The following GSDMC variants were observed in gnomAD, a reference collection of about 807,000 sequenced individuals.
The protein encoded by GSDMC is gasdermin C.
A neutral mutation model predicts 58.0 loss-of-function variants in GSDMC; 59 were observed. The ratio of observed to expected loss-of-function variants is 1.02; its 90% CI spans 0.82 to 1.26. The LOEUF (loss-of-function observed/expected upper bound fraction) is 1.26. GSDMC is among the 50% of genes most tolerant of loss of function. The pLI is 0.00. For missense variants in GSDMC, 659 were observed against 598.5 expected (o/e 1.10, Z -1.06); for synonymous variants, 241 against 220.2 (o/e 1.09, Z -0.83).
At chr8:129,750,265 G>C in intron 11 of GSDMC, 146 bp from the exon 12 acceptor site, 1 of 1,006,884 alleles carries the variant, frequency 9.9e-7, no homozygotes, top group Non-Finnish European at 1.4e-6. Context: ...CAGTAGTGGG[G>C]GCGACACTTC....
chr8:129,730,721 C>T, the GSDMC span, among the ~76,000 whole-genome samples: 3 of 152,200 alleles, frequency 2.0e-5, no homozygotes, highest in Admixed American at 6.5e-5. Flanking sequence ...ACACAGCAGT[C>T]TCCTACTTAA....
intron 1 of GSDMC, among the ~76,000 whole-genome samples, chr8:129,782,981 C>T (rs1271134663): frequency 6.6e-6 from 1 of 151,172 alleles, no homozygotes; most frequent in African/African-American, 2.4e-5. Context: ...AAACCAAATT[C>T]AACAATACAT....
At chr8:129,764,326 T>C (rs1312903442) in intron 4 of GSDMC, among the ~76,000 whole-genome samples, 3 of 152,198 alleles carry the variant, frequency 2.0e-5, no homozygotes, top group Non-Finnish European at 4.4e-5. Flanking sequence ...GTTGGGGTTT[T>C]TTTAGTTATT....
chr8:129,736,961 T>C, the GSDMC span, among the ~76,000 whole-genome samples: 30,045 of 152,210 alleles, frequency 0.2, 3,516 homozygotes, highest in Middle Eastern at 0.27. Flanking sequence ...ATCAAATCAA[T>C]GTGCAAAAAT....
At chr8:129,734,672 A>G in the GSDMC span, among the ~76,000 whole-genome samples, 2 of 151,988 alleles carry the variant, frequency 1.3e-5, no homozygotes, top group Non-Finnish European at 2.9e-5. Context: ...AGCACTAAAC[A>G]TGGAAAGGAA....
At chr8:129,723,239 T>G in the GSDMC span, among the ~76,000 whole-genome samples, 15,745 of 151,822 alleles carry the variant, frequency 0.1, 1,239 homozygotes, top group African/African-American at 0.21. Flanking sequence ...GCAGTTTTTT[T>G]GTTTCTGTTT....
At chr8:129,705,485 G>A in the GSDMC span, 3 of 152,624 alleles carry the variant, frequency 2.0e-5, no homozygotes. Context: ...GCATGGCTGG[G>A]GAGGCCTCAG....
chr8:129,754,430 C>A (rs528201634), intron 6 of GSDMC, among the ~76,000 whole-genome samples: 94 of 152,294 alleles, frequency 6.2e-4, no homozygotes, highest in African/African-American at 2.1e-3. Context: ...TCTGCAACAA[C>A]CACAGAGATA....
intron 6 of GSDMC, among the ~76,000 whole-genome samples, chr8:129,760,027 C>T (rs1014177103): frequency 1.1e-4 from 17 of 152,008 alleles, no homozygotes; most frequent in African/African-American, 3.9e-4. Flanking sequence ...ACTATTCACC[C>T]GTTAAAAAAA....
the GSDMC span, among the ~76,000 whole-genome samples, chr8:129,712,794 T>A: frequency 6.6e-6 from 1 of 152,194 alleles, no homozygotes; most frequent in Non-Finnish European, 1.5e-5. Context: ...TTAAGTTTCA[T>A]TTTACCCATC....
chr8:129,708,704 T>C, the GSDMC span, among the ~76,000 whole-genome samples: 1 of 152,264 alleles, frequency 6.6e-6, no homozygotes, highest in Admixed American at 6.5e-5. Context: ...GGCCCACTCC[T>C]GGACTTTATT....
intron 9 of GSDMC, 30 bp from the exon 10 acceptor site, chr8:129,751,598 T>C: frequency 6.2e-7 from 1 of 1,607,502 alleles, no homozygotes; most frequent in African/African-American, 1.3e-5. Flanking sequence ...ATCATCTCAC[T>C]TCCTCATCCC....
At position 129,755,234 on chromosome 8, in the gene GSDMC, TAGCATAC is replaced by T. The variant is rs574089826; in HGVS notation, c.722-2421_722-2415del. Among the ~76,000 whole-genome samples the T allele has an allele frequency of 2.7e-4, 41 of 151,972 alleles. 1 individual carries two copies. In the South Asian group the frequency reaches 8.5e-3, roughly 32 times the overall value. ...AAAGCAGCAAGGAAAAAGAAACAAA[TAGCATAC>T]AATGGAGTTGCAATATGTCTGGCAG... On this transcript the variant is annotated intron_variant, in intron 6 of 13. Coordinates refer to ENST00000276708, the MANE Select transcript of GSDMC (RefSeq NM_031415.3).
At chr8:129,726,803 C>T in the GSDMC span, among the ~76,000 whole-genome samples, 1 of 144,364 alleles carries the variant, frequency 6.9e-6, no homozygotes, top group Non-Finnish European at 1.5e-5. Flanking sequence ...GTCAGAGTCT[C>T]CATGACTTAA....
chr8:129,772,480 A>G (rs969847562), intron 3 of GSDMC, among the ~76,000 whole-genome samples: 2 of 152,132 alleles, frequency 1.3e-5, no homozygotes, highest in Non-Finnish European at 2.9e-5. Flanking sequence ...AGATCATGAG[A>G]GCCTATTATC....
At chr8:129,739,430 CTGTT>C in the GSDMC span, among the ~76,000 whole-genome samples, 1 of 152,142 alleles carries the variant, frequency 6.6e-6, no homozygotes, top group Non-Finnish European at 1.5e-5. Flanking sequence ...TGAGAAATGT[CTGTT>C]TGGATCCCTT....
chr8:129,747,296 A>G (rs142002498), downstream of GSDMC, among the ~76,000 whole-genome samples: 580 of 152,146 alleles, frequency 3.8e-3, 2 homozygotes, highest in South Asian at 0.016. Flanking sequence ...AACACTAAAC[A>G]GCCATGAGGG....
At chr8:129,708,400 G>C in the GSDMC span, among the ~76,000 whole-genome samples, 59,487 of 152,208 alleles carry the variant, frequency 0.39, 16,776 homozygotes, top group African/African-American at 0.76. Flanking sequence ...AGAGAAAATG[G>C]CAAATGCGGC....
At chr8:129,737,438 C>G in the GSDMC span, among the ~76,000 whole-genome samples, 1 of 152,226 alleles carries the variant, frequency 6.6e-6, no homozygotes, top group Non-Finnish European at 1.5e-5. Context: ...GTTACCAAAA[C>G]AGAGATGTAG....
Sources: allele counts gnomAD v4.1 joint callset (sites outside exome capture counted in the v4.1 genomes callset), GRCh38; gene constraint gnomAD v4.1.1; transcripts MANE v1.5; gene names NCBI Gene and HGNC (gene_info 2026-07-23, HGNC 2026-07-21).